The following SLC6A11 variants were observed in gnomAD, a reference collection of about 807,000 sequenced individuals.
SLC6A11 encodes solute carrier family 6 member 11, also known as sodium- and chloride-dependent GABA transporter 3.
SLC6A11 carries 25 observed loss-of-function variants against 74.8 expected under a neutral mutation model. The ratio of observed to expected loss-of-function variants is 0.33; its 90% CI spans 0.24 to 0.47. SLC6A11 has a LOEUF of 0.47. SLC6A11 is among the 20% of genes least tolerant of loss of function. The probability of loss-of-function intolerance (pLI) is 1.00; values close to 1 mark genes in which losing one functional copy is unlikely to be tolerated. For missense variants in SLC6A11, 574 were observed against 837.0 expected, an observed-to-expected ratio of 0.69 and a Z score of 3.88; for synonymous variants, 330 against 330.2, an observed-to-expected ratio of 1.00 and a Z score of 0.01.
In SLC6A11 at chr3:10,852,812, C is replaced by T. The variant is rs527255813; in HGVS notation, c.756+8466C>T. Reference sequence around the variant, plus strand: ...GTGCTTTGGAAAACTAAGCCAGAAACGAGTGGGGAATTTATTTTGTATCTA... The same window carrying T: ...GTGCTTTGGAAAACTAAGCCAGAAATGAGTGGGGAATTTATTTTGTATCTA... On this transcript the variant is annotated intron_variant, in intron 5 of 13. Coordinates refer to ENST00000254488, the MANE Select transcript of SLC6A11 (RefSeq NM_014229.3). Among the ~76,000 whole-genome samples, 8 of 152,318 alleles carry T rather than the reference C, an allele frequency of 5.3e-5. No individual in the cohort carries two copies. In the East Asian group the frequency reaches 5.8e-4, roughly 11 times the overall value.
chr3:10,859,389 G>C (rs896684375), intron 5 of SLC6A11, among the ~76,000 whole-genome samples: 2 of 152,164 alleles, frequency 1.3e-5, no homozygotes, highest in African/African-American at 4.8e-5. Context: ...CAGTGTTTTG[G>C]CTGGAGTTGA....
At chr3:10,818,627 T>C (rs1311693521) in intron 1 of SLC6A11, among the ~76,000 whole-genome samples, 3 of 152,190 alleles carry the variant, frequency 2.0e-5, no homozygotes, top group East Asian at 3.9e-4. Flanking sequence ...AAAAGCACTT[T>C]CAGTTAAAGC....
chr3:10,859,277 G>A (rs867566662), intron 5 of SLC6A11, among the ~76,000 whole-genome samples: 1 of 152,140 alleles, frequency 6.6e-6, no homozygotes, highest in African/African-American at 2.4e-5. Context: ...CAATGTAGAG[G>A]GTAAAGGAGA....
At chr3:10,843,565 T>C (rs570509744) in intron 4 of SLC6A11, among the ~76,000 whole-genome samples, 1 of 152,224 alleles carries the variant, frequency 6.6e-6, no homozygotes, top group East Asian at 1.9e-4. Context: ...TCAGGATAGG[T>C]TGGGTTATGC....
At chr3:10,861,994 C>A (rs1694708177) in intron 5 of SLC6A11, among the ~76,000 whole-genome samples, 1 of 152,188 alleles carries the variant, frequency 6.6e-6, no homozygotes, top group Admixed American at 6.5e-5. Context: ...CAGCACCTTG[C>A]TCTTTCTGGC....
chr3:10,860,020 G>A (rs1049086298), intron 5 of SLC6A11, among the ~76,000 whole-genome samples: 3 of 152,120 alleles, frequency 2.0e-5, no homozygotes, highest in African/African-American at 7.2e-5. Flanking sequence ...ATGTAACATA[G>A]CTTCATTTAC....
intron 4 of SLC6A11, among the ~76,000 whole-genome samples, chr3:10,843,885 A>G (rs1479477441): frequency 2.0e-5 from 3 of 152,246 alleles, no homozygotes; most frequent in African/African-American, 4.8e-5. Flanking sequence ...AGGGAGGAAC[A>G]TAGGATGTTT....
chr3:10,866,332 G>T (rs1322717572), intron 5 of SLC6A11, among the ~76,000 whole-genome samples: 4 of 152,206 alleles, frequency 2.6e-5, no homozygotes, highest in Non-Finnish European at 5.9e-5. Context: ...AGAGGAAGCT[G>T]GGAAATGTCT....
intron 5 of SLC6A11, among the ~76,000 whole-genome samples, chr3:10,850,478 TAAAC>T (rs1374483556): frequency 2.0e-5 from 3 of 151,870 alleles, no homozygotes; most frequent in Admixed American, 6.6e-5. Context: ...AGATGGAAAA[TAAAC>T]AAGCAACATA....
In SLC6A11 at chr3:10,938,577, C is replaced by T. The variant is rs528225168; in HGVS notation, c.*175C>T. On this transcript the variant is annotated 3_prime_UTR_variant, in exon 14 of 14. Coordinates refer to ENST00000254488, the MANE Select transcript of SLC6A11 (RefSeq NM_014229.3). Reference sequence around the variant, plus strand: ...CTGCTCTAAAGTCATATCCCCTCCCCGCCCCCAGTCATCATGGAAGTAACC... The same window carrying T: ...CTGCTCTAAAGTCATATCCCCTCCCTGCCCCCAGTCATCATGGAAGTAACC... The T allele has an allele frequency of 2.4e-4, 125 of 525,296 alleles. 4 individuals are homozygous for T. The South Asian group carries it at 4.1e-3, about 17-fold the overall frequency. The allele number at this position is 525,296 out of a possible 1,614,324, so 32.5% of individuals were successfully genotyped here. A position where few individuals can be genotyped will look rare whatever the true frequency, so the allele number is the denominator to read the frequency against.
At chr3:10,845,876 C>T (rs946926529) in intron 5 of SLC6A11, among the ~76,000 whole-genome samples, 10 of 152,228 alleles carry the variant, frequency 6.6e-5, no homozygotes, top group Admixed American at 6.5e-4. Flanking sequence ...TCTTCAGACT[C>T]CACTCACAGT....
At chr3:10,819,033 A>G (rs1211193874) in intron 1 of SLC6A11, among the ~76,000 whole-genome samples, 1 of 152,182 alleles carries the variant, frequency 6.6e-6, no homozygotes, top group East Asian at 1.9e-4. Context: ...TCACTTCCAA[A>G]GTAAAAGGAA....
Position 10,906,298 on chromosome 3 carries a change from G to A in SLC6A11, c.892-5792G>A, listed in dbSNP as rs539600773. ...CTTCCTGGAATCTTCTCACCCAAAC[G>A]AGAAACAAGGGTAGTAAAACAAAAA... is the stretch of plus-strand genomic sequence containing the variant. On this transcript the variant is annotated intron_variant, in intron 6 of 13. Transcript: ENST00000254488. Among the ~76,000 whole-genome samples the A allele has an allele frequency of 3.3e-5, 5 of 152,214 alleles. No homozygotes were observed. In the South Asian group the frequency reaches 1.0e-3, roughly 32 times the overall value.
At chr3:10,895,329 G>A (rs747956513) in intron 6 of SLC6A11, among the ~76,000 whole-genome samples, 15 of 152,144 alleles carry the variant, frequency 9.9e-5, no homozygotes, top group Non-Finnish European at 1.6e-4. Flanking sequence ...TGAGTCTTGG[G>A]AACTTGGTAC....
At chr3:10,844,132 C>A in intron 4 of SLC6A11, 82 bp from the exon 5 acceptor site, 1 of 1,545,786 alleles carries the variant, frequency 6.5e-7, no homozygotes, top group East Asian at 2.3e-5. Context: ...CACATGGGCC[C>A]ATCCCTGCTC....
intron 6 of SLC6A11, among the ~76,000 whole-genome samples, chr3:10,876,181 C>G (rs1022437507): frequency 2.0e-5 from 3 of 152,192 alleles, no homozygotes; most frequent in African/African-American, 7.2e-5. Context: ...AGAGGCCCCT[C>G]ATCACGGTGG....
chr3:10,836,137 C>T (rs538981953), intron 4 of SLC6A11, among the ~76,000 whole-genome samples: 5 of 152,298 alleles, frequency 3.3e-5, no homozygotes, highest in Admixed American at 6.5e-5. Flanking sequence ...TCGTGATTGG[C>T]TTCTTTCATG....
chr3:10,913,307 C>T (rs189938575), intron 7 of SLC6A11, among the ~76,000 whole-genome samples: 2 of 152,160 alleles, frequency 1.3e-5, no homozygotes, highest in African/African-American at 2.4e-5. Context: ...GCAGATTGGT[C>T]CACATAAATA....
chr3:10,910,970 C>T (rs903838164), intron 6 of SLC6A11, among the ~76,000 whole-genome samples: 9 of 151,950 alleles, frequency 5.9e-5, no homozygotes, highest in Admixed American at 3.3e-4. Context: ...TACAGGCCCC[C>T]GCCACCACAC....
Sources: gnomAD v4.1 joint callset for allele counts (sites outside exome capture counted in the v4.1 genomes callset) on GRCh38, gnomAD v4.1.1 for gene constraint, MANE v1.5 for transcripts, NCBI Gene and HGNC (gene_info 2026-07-23, HGNC 2026-07-21) for gene names.